The following LRRC7 variants were observed in gnomAD, a reference collection of about 807,000 sequenced individuals.
LRRC7 encodes leucine rich repeat containing 7, also known as leucine-rich repeat-containing protein 7.
Under a neutral mutation model 175.7 loss-of-function variants are expected in LRRC7, and 23 were observed. The observed-to-expected ratio is 0.13, with a 90% confidence interval of 0.09 to 0.19. The LOEUF (loss-of-function observed/expected upper bound fraction) is 0.19, where lower values mean the gene tolerates loss of function less well. LRRC7 is among the 10% of genes least tolerant of loss of function. The pLI, the probability that LRRC7 is intolerant of heterozygous loss-of-function variation, is 1.00. For synonymous variants in LRRC7, 685 were observed against 680.9 expected (o/e 1.01, Z -0.09); for missense variants, 1,354 against 1,904.7 (o/e 0.71, Z 5.38).
In LRRC7 at chr1:70,075,293, A is replaced by C. The variant is rs539723702; in HGVS notation, c.4231-784A>C. Among the ~76,000 whole-genome samples, 114 of 152,320 alleles carry C rather than the reference A, an allele frequency of 7.5e-4. 1 individual carries two copies. The highest frequency in any genetic ancestry group is 2.7e-3 in the African/African-American group (114 of 41,564). On this transcript the variant is annotated intron_variant, in intron 23 of 26. Transcript: ENST00000651989. The stretch of plus-strand genomic sequence containing the variant: ...AGACATGAGATAGAATGACGCAAGG[A>C]GCTGGTGCTAAAATGAAGGTGAGAA...
chr1:69,798,451 C>T lies in LRRC7; in HGVS notation c.421+6291C>T, dbSNP rs150201975. Among the ~76,000 whole-genome samples, 21 of 152,244 alleles carry T rather than the reference C, an allele frequency of 1.4e-4. No homozygotes were observed. The South Asian group carries it at 3.3e-3, about 24-fold the overall frequency. On this transcript the variant is annotated intron_variant, in intron 4 of 26. Transcript: ENST00000651989. ...TAAGGGTCTCCCCTCTGTACTAATACACCCTGTGTATTGTCTATCCTAACA... is the reference window on the plus strand; with the variant it reads ...TAAGGGTCTCCCCTCTGTACTAATATACCCTGTGTATTGTCTATCCTAACA...
intron 4 of LRRC7, among the ~76,000 whole-genome samples, chr1:69,817,992 T>C (rs1678798185): frequency 6.6e-6 from 1 of 152,140 alleles, no homozygotes; most frequent in Non-Finnish European, 1.5e-5. Flanking sequence ...CTAAATTTGC[T>C]TAATAGTTCT....
At chr1:69,799,192 A>C (rs577532846) in intron 4 of LRRC7, among the ~76,000 whole-genome samples, 49 of 151,578 alleles carry the variant, frequency 3.2e-4, no homozygotes, top group Non-Finnish European at 5.9e-4. Context: ...TGTCATAAAG[A>C]AGTTGCCAAT....
intron 6 of LRRC7, among the ~76,000 whole-genome samples, chr1:69,837,731 G>C (rs1448352691): frequency 2.0e-5 from 3 of 151,464 alleles, no homozygotes; most frequent in Non-Finnish European, 4.4e-5. Context: ...AATTTAGAAG[G>C]CTGGAATCCA....
At chr1:69,875,564 T>G (rs1272165234) in intron 7 of LRRC7, among the ~76,000 whole-genome samples, 2 of 152,050 alleles carry the variant, frequency 1.3e-5, no homozygotes, top group African/African-American at 2.4e-5. Flanking sequence ...GGTTAGTGCT[T>G]CAACAATCAT....
chr1:70,082,795 T>C (rs1644755247), intron 24 of LRRC7, among the ~76,000 whole-genome samples: 1 of 107,822 alleles, frequency 9.3e-6, no homozygotes, highest in East Asian at 2.7e-4. Context: ...TTTTTTTTTT[T>C]TTTTTTTTTT....
intron 1 of LRRC7, among the ~76,000 whole-genome samples, chr1:69,620,166 C>T (rs1383165584): frequency 6.6e-6 from 1 of 152,122 alleles, no homozygotes; most frequent in African/African-American, 2.4e-5. Flanking sequence ...AAATTTGCAA[C>T]ATTCTTCTCA....
intron 11 of LRRC7, among the ~76,000 whole-genome samples, chr1:70,011,191 A>G (rs985018624): frequency 9.9e-5 from 15 of 152,178 alleles, no homozygotes; most frequent in Admixed American, 9.8e-4. Context: ...GTGACTCTCT[A>G]CTGTCTGCAT....
intron 7 of LRRC7, among the ~76,000 whole-genome samples, chr1:69,893,377 G>GT (rs1645891906): frequency 6.6e-6 from 1 of 152,152 alleles, no homozygotes; most frequent in South Asian, 2.1e-4. Context: ...TCAAAAATAT[G>GT]TTTTTTGAAC....
At chr1:69,715,614 T>A (rs1665253856) in intron 2 of LRRC7, among the ~76,000 whole-genome samples, 1 of 151,998 alleles carries the variant, frequency 6.6e-6, no homozygotes, top group African/African-American at 2.4e-5. Flanking sequence ...AACTAACCAA[T>A]GTCAAAGCAT....
At chr1:69,761,170 A>G (rs1174292810) in intron 3 of LRRC7, among the ~76,000 whole-genome samples, 1 of 152,076 alleles carries the variant, frequency 6.6e-6, no homozygotes. Context: ...CACCTAAGTA[A>G]GTAACCCAGA....
At chr1:69,958,190 G>A (rs1650696605) in intron 8 of LRRC7, among the ~76,000 whole-genome samples, 1 of 151,864 alleles carries the variant, frequency 6.6e-6, no homozygotes, top group African/African-American at 2.4e-5. Flanking sequence ...GGACTTTAAT[G>A]TAAGTTTTGC....
intron 7 of LRRC7, among the ~76,000 whole-genome samples, chr1:69,907,098 G>A (rs1250793213): frequency 1.3e-5 from 2 of 152,054 alleles, no homozygotes; most frequent in African/African-American, 2.4e-5. Context: ...TGTGATTTTT[G>A]TACATTGATT....
At chr1:69,849,291 G>C (rs972864576) in intron 7 of LRRC7, among the ~76,000 whole-genome samples, 1 of 151,854 alleles carries the variant, frequency 6.6e-6, no homozygotes, top group Non-Finnish European at 1.5e-5. Context: ...CATTATTTAG[G>C]AAATGTTCAG....
At chr1:69,947,401 A>G (rs1333737606) in intron 8 of LRRC7, among the ~76,000 whole-genome samples, 2 of 151,338 alleles carry the variant, frequency 1.3e-5, no homozygotes, top group Non-Finnish European at 2.9e-5. Context: ...TTTGACTCCT[A>G]TTTCATTTTC....
Position 69,857,959 on chromosome 1 carries a change from G to T in LRRC7, c.647+19676G>T, listed in dbSNP as rs1394109559. 4.6e-5 allele frequency among the ~76,000 whole-genome samples: 7 copies of T among 152,038 alleles called. No individual in the cohort carries two copies. The South Asian group carries it at 1.0e-3, about 23-fold the overall frequency. On this transcript the variant is annotated intron_variant, in intron 7 of 26. Transcript: ENST00000651989. Reference sequence around the variant, plus strand: ...CAGAGCCCTCAGAAATAATACCACAGATCTACAACCATCTGATCTTTGACA... The same window carrying T: ...CAGAGCCCTCAGAAATAATACCACATATCTACAACCATCTGATCTTTGACA...
rs1019899516 is a variant in LRRC7, at chr1:70,124,999, T to A, written c.*3112T>A. Among the ~76,000 whole-genome samples, 3 of 152,216 alleles carry A rather than the reference T, an allele frequency of 2.0e-5. No individual in the cohort carries two copies. The highest frequency in any genetic ancestry group is 7.2e-5 in the African/African-American group (3 of 41,466). ...CAAATAGATATTAGTGGACAATTTT[T>A]AAAACTATTTACAAGGCTCATAATA... is the stretch of plus-strand genomic sequence containing the variant. On this transcript the variant is annotated 3_prime_UTR_variant, in exon 27 of 27. Coordinates refer to ENST00000651989, the MANE Select transcript of LRRC7 (RefSeq NM_001370785.2).
chr1:70,076,405 C>A, intron 24 of LRRC7, 107 bp downstream of exon 24: 1 of 934,418 alleles, frequency 1.1e-6, no homozygotes. Context: ...ATGCCATCAC[C>A]ATGTTGAATG....
intron 22 of LRRC7, among the ~76,000 whole-genome samples, chr1:70,046,948 C>A (rs1660377677): frequency 6.6e-6 from 1 of 152,098 alleles, no homozygotes; most frequent in Non-Finnish European, 1.5e-5. Context: ...TTTCCCTGAA[C>A]CCTTCTCCCC....
Sources: allele counts gnomAD v4.1 joint callset (sites outside exome capture counted in the v4.1 genomes callset), GRCh38; gene constraint gnomAD v4.1.1; transcripts MANE v1.5; gene names NCBI Gene and HGNC (gene_info 2026-07-23, HGNC 2026-07-21).